TMEM192: variants seen among roughly 807,000 people sequenced by gnomAD.
TMEM192 encodes transmembrane protein 192.
A neutral mutation model predicts 26.7 loss-of-function variants in TMEM192; 20 were observed. The ratio of observed to expected loss-of-function variants is 0.75; its 90% CI spans 0.53 to 1.09. The LOEUF (loss-of-function observed/expected upper bound fraction) is 1.09. TMEM192 is among the 50% of genes least tolerant of loss of function. TMEM192 has a pLI of 0.00. For synonymous variants in TMEM192, 124 were observed against 121.0 expected (o/e 1.02, Z -0.16); for missense variants, 304 against 322.6 (o/e 0.94, Z 0.44).
chr4:165,079,846 T>C (rs751159387), intron 5 of TMEM192, 50 bp from the exon 6 acceptor site: 2 of 1,555,850 alleles, frequency 1.3e-6, no homozygotes, highest in Non-Finnish European at 1.7e-6. Flanking sequence ...CCAATACTCA[T>C]TAGTGTCTTT....
intron 1 of TMEM192, among the ~76,000 whole-genome samples, chr4:165,105,589 G>A (rs988402247): frequency 6.6e-6 from 1 of 152,226 alleles, no homozygotes; most frequent in South Asian, 2.1e-4. Flanking sequence ...ACTGCCTGAC[G>A]CACAGAGAGC....
At chr4:165,098,932 C>T (rs565154553) in intron 3 of TMEM192, among the ~76,000 whole-genome samples, 1 of 151,936 alleles carries the variant, frequency 6.6e-6, no homozygotes, top group African/African-American at 2.4e-5. Context: ...GAACTCCTGA[C>T]GTCAGGTGAT....
intron 1 of TMEM192, among the ~76,000 whole-genome samples, chr4:165,105,589 G>T (rs988402247): frequency 2.0e-5 from 3 of 152,108 alleles, no homozygotes; most frequent in Non-Finnish European, 4.4e-5. Context: ...ACTGCCTGAC[G>T]CACAGAGAGC....
chr4:165,094,103 G>A (rs1028397865), intron 3 of TMEM192, among the ~76,000 whole-genome samples: 1 of 152,098 alleles, frequency 6.6e-6, no homozygotes, highest in African/African-American at 2.4e-5. Flanking sequence ...GTTTCACCAT[G>A]TTGGCCAGGC....
At chr4:165,103,635 C>A (rs1735098171) in intron 1 of TMEM192, among the ~76,000 whole-genome samples, 1 of 77,902 alleles carries the variant, frequency 1.3e-5, no homozygotes, top group Non-Finnish European at 3.8e-5. Context: ...CTGCCTCAGC[C>A]TCCTGGGGTA....
intron 5 of TMEM192, among the ~76,000 whole-genome samples, chr4:165,081,271 A>C (rs1373257919): frequency 6.6e-6 from 1 of 151,998 alleles, no homozygotes; most frequent in Non-Finnish European, 1.5e-5. Flanking sequence ...ATTCACTGAA[A>C]AAATACTCTT....
In TMEM192 at chr4:165,075,242, TTTC is replaced by T. The variant is rs1192352001; in HGVS notation, c.*4413_*4415del. The T allele has an allele frequency of 2.3e-5, 3 of 133,322 alleles. No individual in the cohort carries two copies. Among genetic ancestry groups the T allele is most frequent in the Non-Finnish European group, 5.1e-5 (3 of 59,120 alleles). 8.3% of individuals were successfully genotyped at this position (133,322 alleles called of 1,614,324 possible). ...TAGAAATACAATTTTTTTTCTTTTC[TTTC>T]TTTTTTTTTTTTTGTGATGGAGTCT... On this transcript the variant is annotated 3_prime_UTR_variant, in exon 6 of 6. Coordinates refer to ENST00000306480, the MANE Select transcript of TMEM192 (RefSeq NM_001100389.2).
At chr4:165,111,397 G>A (rs1235684831) in intron 1 of TMEM192, among the ~76,000 whole-genome samples, 1 of 152,128 alleles carries the variant, frequency 6.6e-6, no homozygotes, top group Non-Finnish European at 1.5e-5. Context: ...ACCATCCCCA[G>A]GCTCCAGTGT....
intron 1 of TMEM192, among the ~76,000 whole-genome samples, chr4:165,105,182 C>A (rs1208589930): frequency 1.3e-5 from 2 of 152,156 alleles, no homozygotes; most frequent in Non-Finnish European, 2.9e-5. Flanking sequence ...ACCTTTACAC[C>A]TCTTGTCTTT....
chr4:165,077,606 A>T lies in TMEM192; in HGVS notation c.*2052T>A, dbSNP rs1734413526. ...CTAAAAATACAAAAATTAGCCAGGC[A>T]TGGTGGCATGTGCCTGTAATCCCAG... On this transcript the variant is annotated 3_prime_UTR_variant, in exon 6 of 6. Transcript: ENST00000306480. 1.3e-5 allele frequency: 2 copies of T among 152,204 alleles called. No homozygotes were observed. The highest frequency in any genetic ancestry group is 2.4e-5 in the African/African-American group (1 of 41,438). The allele number at this position is 152,204 out of a possible 1,614,324, so 9.4% of individuals were successfully genotyped here.
intron 3 of TMEM192, among the ~76,000 whole-genome samples, chr4:165,094,469 C>A (rs936283641): frequency 3.3e-5 from 5 of 152,106 alleles, no homozygotes; most frequent in African/African-American, 1.2e-4. Context: ...ACCAGCCTGA[C>A]CAACAGGGAG....
At chr4:165,104,102 G>A (rs1415487701) in intron 1 of TMEM192, among the ~76,000 whole-genome samples, 2 of 152,188 alleles carry the variant, frequency 1.3e-5, no homozygotes, top group African/African-American at 2.4e-5. Flanking sequence ...CAGCCTGGGC[G>A]ACAGAGAGAC....
chr4:165,098,661 G>A (rs899835514), intron 3 of TMEM192, among the ~76,000 whole-genome samples: 12 of 150,670 alleles, frequency 8.0e-5, no homozygotes, highest in Admixed American at 2.0e-4. Context: ...TCTTTTTCTC[G>A]CTGCCTCCTC....
chr4:165,103,575 C>A (rs1735096370), intron 1 of TMEM192, among the ~76,000 whole-genome samples: 1 of 147,258 alleles, frequency 6.8e-6, no homozygotes, highest in African/African-American at 2.5e-5. Flanking sequence ...AGTGCACTGG[C>A]ACAACCTTGG....
At chr4:165,088,387 C>T (rs996244535) in intron 4 of TMEM192, 81 bp downstream of exon 4, 436 of 1,407,810 alleles carry the variant, frequency 3.1e-4, no homozygotes, top group Non-Finnish European at 3.2e-4. Context: ...ACTTCCTTGT[C>T]GCTAATGGGC....
intron 3 of TMEM192, among the ~76,000 whole-genome samples, chr4:165,094,332 C>T (rs1734842105): frequency 1.3e-5 from 2 of 152,146 alleles, no homozygotes; most frequent in African/African-American, 2.4e-5. Flanking sequence ...CCACCATGCC[C>T]GGCCTAGTTT....
At chr4:165,085,144 C>A (rs913386295) in intron 5 of TMEM192, among the ~76,000 whole-genome samples, 4 of 151,968 alleles carry the variant, frequency 2.6e-5, no homozygotes, top group African/African-American at 9.7e-5. Flanking sequence ...CGTGGTGGTG[C>A]ATGCCTGTAA....
chr4:165,097,365 G>A (rs536578000), intron 3 of TMEM192, among the ~76,000 whole-genome samples: 9 of 151,852 alleles, frequency 5.9e-5, no homozygotes, highest in African/African-American at 2.2e-4. Context: ...GTGGTGGCGG[G>A]CGAATGCAGT....
At chr4:165,097,556 A>AATTCTGTG (rs1734940558) in intron 3 of TMEM192, among the ~76,000 whole-genome samples, 1 of 145,478 alleles carries the variant, frequency 6.9e-6, no homozygotes, top group South Asian at 2.1e-4. Flanking sequence ...ATAAAAGTTA[A>AATTCTGTG]ATTCTGTGGA....
Sources: gnomAD v4.1 joint callset for allele counts (sites outside exome capture counted in the v4.1 genomes callset) on GRCh38, gnomAD v4.1.1 for gene constraint, MANE v1.5 for transcripts, NCBI Gene and HGNC (gene_info 2026-07-23, HGNC 2026-07-21) for gene names.